Variants in IMMP2L observed in about 807,000 individuals in gnomAD.
IMMP2L encodes the protein inner mitochondrial membrane peptidase subunit 2, also known as mitochondrial inner membrane protease subunit 2.
In IMMP2L, 18 loss-of-function variants were observed where a neutral mutation model predicts 19.3. The observed-to-expected ratio is 0.93, with a 90% confidence interval of 0.64 to 1.38. IMMP2L has a LOEUF of 1.38. Among genes scored for constraint, IMMP2L ranks in the 40% most tolerant of loss-of-function variants. IMMP2L has a pLI of 0.00. For synonymous variants in IMMP2L, 76 were observed against 73.0 expected (o/e 1.04, Z -0.21); for missense variants, 233 against 218.2 (o/e 1.07, Z -0.43).
intron 4 of IMMP2L, among the ~76,000 whole-genome samples, chr7:110,894,272 A>T (rs1426864472): frequency 6.6e-6 from 1 of 152,052 alleles, no homozygotes; most frequent in South Asian, 2.1e-4. Flanking sequence ...ATCAGATCTC[A>T]CTATTGTTAA....
intron 3 of IMMP2L, among the ~76,000 whole-genome samples, chr7:111,057,685 G>A (rs537547971): frequency 2.0e-5 from 3 of 152,292 alleles, no homozygotes; most frequent in African/African-American, 7.2e-5. Flanking sequence ...TTCATATTAT[G>A]AGGAATAGGC....
At chr7:110,931,781 TTACA>T (rs1388424211) in intron 4 of IMMP2L, among the ~76,000 whole-genome samples, 1 of 152,104 alleles carries the variant, frequency 6.6e-6, no homozygotes, top group East Asian at 1.9e-4. Context: ...GGTCTAGAAT[TTACA>T]TAGTCTGATC....
At chr7:111,559,238 T>A (rs958566213) in intron 1 of IMMP2L, among the ~76,000 whole-genome samples, 1 of 152,114 alleles carries the variant, frequency 6.6e-6, no homozygotes, top group South Asian at 2.1e-4. Context: ...TCTTTCTCAG[T>A]TTCCAGAGCA....
At chr7:111,197,040 T>C (rs1022198715) in intron 3 of IMMP2L, among the ~76,000 whole-genome samples, 1 of 152,182 alleles carries the variant, frequency 6.6e-6, no homozygotes, top group African/African-American at 2.4e-5. Context: ...AATCCTCTTA[T>C]ATTCACAAAG....
chr7:111,523,581 T>C (rs1320722339), intron 1 of IMMP2L, among the ~76,000 whole-genome samples: 1 of 152,132 alleles, frequency 6.6e-6, no homozygotes, highest in East Asian at 1.9e-4. Context: ...ACCAGTACTC[T>C]TGTTTTTTAT....
At chr7:110,777,883 T>C (rs1799497816) in intron 5 of IMMP2L, among the ~76,000 whole-genome samples, 1 of 152,032 alleles carries the variant, frequency 6.6e-6, no homozygotes, top group Admixed American at 6.6e-5. Flanking sequence ...TTTCCTGTTC[T>C]AAAGCTTTGA....
At chr7:110,998,712 A>C (rs546409712) in intron 3 of IMMP2L, among the ~76,000 whole-genome samples, 2 of 152,276 alleles carry the variant, frequency 1.3e-5, no homozygotes, top group African/African-American at 4.8e-5. Flanking sequence ...GGCCAATTCA[A>C]GGAAGGAATG....
At chr7:110,694,936 C>T (rs963375954) in intron 5 of IMMP2L, among the ~76,000 whole-genome samples, 3 of 151,900 alleles carry the variant, frequency 2.0e-5, no homozygotes, top group East Asian at 1.9e-4. Context: ...TTGAAAGCGT[C>T]GTGTTAAGTG....
intron 3 of IMMP2L, among the ~76,000 whole-genome samples, chr7:111,141,300 T>TA (rs1802860445): frequency 6.6e-6 from 1 of 152,160 alleles, no homozygotes; most frequent in African/African-American, 2.4e-5. Flanking sequence ...TTAGCTCCCT[T>TA]AAACCCCTCC....
chr7:110,919,946 A>G (rs1814074683), intron 4 of IMMP2L, among the ~76,000 whole-genome samples: 1 of 151,796 alleles, frequency 6.6e-6, no homozygotes, highest in South Asian at 2.1e-4. Flanking sequence ...GAAGTTGTGA[A>G]GACTTGGCTT....
rs554374472 is a variant in IMMP2L at position 110,706,802 on chromosome 7, T to C, written c.409-43081A>G. ...TTCTCTTATTCTGTAGGTTGCCTGC[T>C]TACTCTATTGATAGTTTCTTTTGCT... On this transcript the variant is annotated intron_variant, in intron 5 of 5. Coordinates refer to ENST00000405709, the MANE Select transcript of IMMP2L (RefSeq NM_032549.4). Among the ~76,000 whole-genome samples, 340 of 152,244 alleles carry C rather than the reference T, an allele frequency of 2.2e-3. 1 individual carries two copies. The highest frequency in any genetic ancestry group is 4.7e-3 in the Admixed American group (72 of 15,272).
intron 3 of IMMP2L, among the ~76,000 whole-genome samples, chr7:111,067,861 G>A (rs1231139273): frequency 1.3e-5 from 2 of 152,008 alleles, no homozygotes; most frequent in Non-Finnish European, 2.9e-5. Flanking sequence ...AGAGAAATAG[G>A]GAATGAACCA....
chr7:110,723,816 A>T (rs1795724932), intron 5 of IMMP2L, among the ~76,000 whole-genome samples: 1 of 151,874 alleles, frequency 6.6e-6, no homozygotes, highest in East Asian at 1.9e-4. Flanking sequence ...CACACTTAAG[A>T]ATAGATATTT....
Position 110,908,621 on chromosome 7 carries a change from G to A in IMMP2L, c.306-21926C>T, listed in dbSNP as rs1325207465. On this transcript the variant is annotated intron_variant, in intron 4 of 5. Transcript: ENST00000405709. ...TGTCTCTACTGTACAAAAGACAAAA[G>A]ACAAACATCAATTTTTGACTAAACA... Among the ~76,000 whole-genome samples the A allele has an allele frequency of 1.3e-5, 2 of 152,160 alleles. 1 individual carries two copies. The highest frequency in any genetic ancestry group is 4.8e-5 in the African/African-American group (2 of 41,434).
intron 3 of IMMP2L, among the ~76,000 whole-genome samples, chr7:111,308,000 T>C (rs931575910): frequency 2.0e-5 from 3 of 151,948 alleles, no homozygotes; most frequent in Admixed American, 6.6e-5. Flanking sequence ...GAGATATAGA[T>C]TGAGATTTTC....
chr7:111,489,935 C>T (rs1327228896), intron 2 of IMMP2L, among the ~76,000 whole-genome samples: 1 of 151,924 alleles, frequency 6.6e-6, no homozygotes, highest in South Asian at 2.1e-4. Flanking sequence ...AGAGCTGCGA[C>T]TACAGGTGTG....
intron 3 of IMMP2L, among the ~76,000 whole-genome samples, chr7:111,257,807 A>G (rs1379948266): frequency 2.6e-5 from 4 of 151,982 alleles, no homozygotes; most frequent in Non-Finnish European, 2.9e-5. Context: ...CTATACTTTA[A>G]GTTCTAGGGT....
At chr7:111,101,676 A>G (rs1041982792) in intron 3 of IMMP2L, among the ~76,000 whole-genome samples, 1 of 151,442 alleles carries the variant, frequency 6.6e-6, no homozygotes, top group Non-Finnish European at 1.5e-5. Flanking sequence ...CAATAGGTAT[A>G]TTGTCTTGTG....
At chr7:110,913,475 A>G (rs1385286513) in intron 4 of IMMP2L, among the ~76,000 whole-genome samples, 3 of 152,152 alleles carry the variant, frequency 2.0e-5, no homozygotes, top group Non-Finnish European at 2.9e-5. Context: ...AAAAGAAAAA[A>G]AGAAAAAATC....
Sources: allele counts gnomAD v4.1 joint callset (sites outside exome capture counted in the v4.1 genomes callset), GRCh38; gene constraint gnomAD v4.1.1; transcripts MANE v1.5; gene names NCBI Gene and HGNC (gene_info 2026-07-23, HGNC 2026-07-21).